Variants in MYO7B observed in about 807,000 individuals in gnomAD.
The protein encoded by MYO7B is myosin VIIB.
MYO7B carries 212 observed loss-of-function variants against 259.7 expected under a neutral mutation model. That is an observed-to-expected ratio of 0.82 (90% confidence interval 0.73 to 0.91). The LOEUF (loss-of-function observed/expected upper bound fraction) is 0.91, where lower values mean the gene tolerates loss of function less well. Ranked by LOEUF, MYO7B falls within the 40% of genes least tolerant of loss-of-function variation. The pLI, the probability that MYO7B is intolerant of heterozygous loss-of-function variation, is 0.00. For missense variants in MYO7B, 2,732 were observed against 2,813.5 expected (o/e 0.97, Z 0.66); for synonymous variants, 1,197 against 1,166.4 (o/e 1.03, Z -0.54).
Position 127,590,577 on chromosome 2 carries a change from G to C in MYO7B, c.1992+348G>C, listed in dbSNP as rs183174511. Among the ~76,000 whole-genome samples, 1 of 152,368 alleles carries C rather than the reference G, an allele frequency of 6.6e-6. No individual in the cohort carries two copies. Among genetic ancestry groups the C allele is most frequent in the East Asian group, 1.9e-4 (1 of 5,188 alleles). ...CTGAGGGTTGGACATGAGGTTTGCAGTACATGTCCCATATGTAAACCACAC... is the reference window on the plus strand; with the variant it reads ...CTGAGGGTTGGACATGAGGTTTGCACTACATGTCCCATATGTAAACCACAC... On this transcript the variant is annotated intron_variant, in intron 16 of 47. Coordinates refer to ENST00000409816, the MANE Select transcript of MYO7B (RefSeq NM_001393586.1). This position sits in a 1 kb window ranked among gnomAD's most constrained non-coding sequence, Gnocchi z 4.6.
chr2:127,629,280 G>A (rs1408759859), intron 34 of MYO7B, among the ~76,000 whole-genome samples: 1 of 152,164 alleles, frequency 6.6e-6, no homozygotes, highest in African/African-American at 2.4e-5. Flanking sequence ...CCAAATTCCA[G>A]ATAAGGAAGG....
chr2:127,586,503 A>G lies in MYO7B; in HGVS notation c.1690+1590A>G, dbSNP rs1679311007. On this transcript the variant is annotated intron_variant, in intron 14 of 47. Transcript: ENST00000409816. This position sits in a 1 kb window ranked among gnomAD's most constrained non-coding sequence, Gnocchi z 4.8. ...GCTAGGCTTTGGGAGGCCAAGGGAGAAAGGGAAAGGTGCCGTGGCTCCTTC... is the reference window on the plus strand; with the variant it reads ...GCTAGGCTTTGGGAGGCCAAGGGAGGAAGGGAAAGGTGCCGTGGCTCCTTC... Among the ~76,000 whole-genome samples the G allele has an allele frequency of 6.6e-6, 1 of 152,098 alleles. No homozygotes were observed.
rs1014050971 is a variant in MYO7B at position 127,615,748 on chromosome 2, T to C, written c.3398+3145T>C. On this transcript the variant is annotated intron_variant, in intron 26 of 47. Coordinates refer to ENST00000409816, the MANE Select transcript of MYO7B (RefSeq NM_001393586.1). This position sits in a 1 kb window ranked among gnomAD's most constrained non-coding sequence, Gnocchi z 4.4. Reference sequence around the variant, plus strand: ...CTCCAGTGGTATACTAGATCACGACTCTCACTCTTTCGGCCTGCAACATCT... The same window carrying C: ...CTCCAGTGGTATACTAGATCACGACCCTCACTCTTTCGGCCTGCAACATCT... Among the ~76,000 whole-genome samples, 9 of 152,016 alleles carry C rather than the reference T, an allele frequency of 5.9e-5. No individual in the cohort carries two copies. The highest frequency in any genetic ancestry group is 1.2e-4 in the African/African-American group (5 of 41,442).
At chr2:127,632,095 C>A in intron 38 of MYO7B, 151 bp from the exon 39 acceptor site, 1 of 963,298 alleles carries the variant, frequency 1.0e-6, no homozygotes, top group Non-Finnish European at 1.5e-6. Context: ...GGCAGCCTGG[C>A]ACAGCTGGCA....
At chr2:127,536,439 G>A (rs1692779667) in intron 1 of MYO7B, among the ~76,000 whole-genome samples, 2 of 145,364 alleles carry the variant, frequency 1.4e-5, no homozygotes. Flanking sequence ...GGGACCCTAG[G>A]GAGAGGCAGG....
rs1681441051 is a variant in MYO7B, at chr2:127,630,798, A to G, written c.4827A>G (p.Pro1609=). 5 of 1,613,038 alleles carry G rather than the reference A, an allele frequency of 3.1e-6. No homozygotes were observed. The highest frequency in any genetic ancestry group is 4.2e-6 in the Non-Finnish European group (5 of 1,179,808). The part of the protein sequence containing the change: ...AQLLSLLAMS[P]EKRKLAAQEG... ...TTCAGAGCTTGCTTGCCATGTCACC[A>G]GAGAAGAGGAAGCTGGCGGCTCAGG... Residue 1609 remains proline, a synonymous_variant, in exon 36 of 48, where the codon CCA becomes CCG. Transcript: ENST00000409816.
intron 10 of MYO7B, 114 bp from the exon 11 acceptor site, chr2:127,581,777 C>T (rs776715137): frequency 3.2e-5 from 46 of 1,431,758 alleles, no homozygotes; most frequent in African/African-American, 1.1e-4. Flanking sequence ...GCCCACCCTC[C>T]GGTGGGCATA....
At chr2:127,620,496 A>C in intron 27 of MYO7B, 30 bp downstream of exon 27, 1 of 519,458 alleles carries the variant, frequency 1.9e-6, no homozygotes, top group Non-Finnish European at 3.5e-6. Flanking sequence ...GAGGGCGGGC[A>C]GGGGGCAGGT....
Position 127,636,395 on chromosome 2 carries a change from C to G in MYO7B, c.6123+71C>G. The G allele has an allele frequency of 6.7e-7, 1 of 1,485,538 alleles. No individual in the cohort carries two copies. Among genetic ancestry groups the G allele is most frequent in the Non-Finnish European group, 9.4e-7 (1 of 1,069,072 alleles). The allele number at this position is 1,485,538 out of a possible 1,614,324, so 92.0% of individuals were successfully genotyped here. ...CTCAGCCCAGCCCCAGCAGGCCCAG[C>G]GTCAACCAGCACACATCTTGGGTGG... On this transcript the variant is annotated intron_variant, in intron 45 of 47. Transcript: ENST00000409816. The surrounding 1 kb of genome is among the most constrained non-coding windows in gnomAD (Gnocchi z 4.5).
chr2:127,623,123 A>G, intron 28 of MYO7B, 79 bp from the exon 29 acceptor site: 1 of 1,520,678 alleles, frequency 6.6e-7, no homozygotes, highest in Non-Finnish European at 8.9e-7. Context: ...TGGGGAGAGG[A>G]GGGAGGTAGT....
At chr2:127,572,240 G>C (rs974120670) in intron 6 of MYO7B, among the ~76,000 whole-genome samples, 2 of 152,090 alleles carry the variant, frequency 1.3e-5, no homozygotes, top group Non-Finnish European at 2.9e-5. Flanking sequence ...TCAACATGGG[G>C]AAACCCCATC....
In MYO7B at chr2:127,546,764, C is replaced by CCAT. The variant is rs1242513871; in HGVS notation, c.-24+10935_-24+10937dup. The stretch of plus-strand genomic sequence containing the variant: ...GCCTCACCTGCTTTCCTGGGTAGGT[C>CCAT]CATCCATCCATCCATCCATCCATCC... On this transcript the variant is annotated intron_variant, in intron 1 of 47. Coordinates refer to ENST00000409816, the MANE Select transcript of MYO7B (RefSeq NM_001393586.1). This position sits in a 1 kb window ranked among gnomAD's most constrained non-coding sequence, Gnocchi z 4.2. 8.3e-6 allele frequency among the ~76,000 whole-genome samples: 1 copy of CCAT among 120,214 alleles called. No homozygotes were observed. Among genetic ancestry groups the CCAT allele is most frequent in the Non-Finnish European group, 1.9e-5 (1 of 51,618 alleles). The allele number at this position is 120,214 out of a possible 152,430, so 78.9% of individuals were successfully genotyped here.
At chr2:127,634,805 T>G in intron 42 of MYO7B, 122 bp downstream of exon 42, 1 of 1,014,586 alleles carries the variant, frequency 9.9e-7, no homozygotes, top group Admixed American at 2.1e-5. Flanking sequence ...CCCTGGGTTG[T>G]GGGAACAACC....
chr2:127,612,435 G>T, intron 25 of MYO7B, 41 bp from the exon 26 acceptor site: 1 of 1,550,950 alleles, frequency 6.4e-7, no homozygotes, highest in Non-Finnish European at 8.7e-7. Flanking sequence ...GGCAGATGGG[G>T]AGAATCATAG....
chr2:127,575,525 T>C (rs1453438438), intron 7 of MYO7B, among the ~76,000 whole-genome samples: 1 of 149,538 alleles, frequency 6.7e-6, no homozygotes, highest in Non-Finnish European at 1.5e-5. Context: ...TATGTTTAGG[T>C]GAAAAAAAAG....
chr2:127,576,323 C>T lies in MYO7B; in HGVS notation c.736-272C>T, dbSNP rs1295234581. Among the ~76,000 whole-genome samples the T allele has an allele frequency of 6.6e-6, 1 of 152,206 alleles. No homozygotes were observed. Among genetic ancestry groups the T allele is most frequent in the Non-Finnish European group, 1.5e-5 (1 of 68,036 alleles). Reference sequence around the variant, plus strand: ...CCCGACTCTGTGCCATCACTCCTGGCCTGGAGACTTTGGGCACAGCAGTGT... The same window carrying T: ...CCCGACTCTGTGCCATCACTCCTGGTCTGGAGACTTTGGGCACAGCAGTGT... On this transcript the variant is annotated intron_variant, in intron 7 of 47. Transcript: ENST00000409816. This position sits in a 1 kb window ranked among gnomAD's most constrained non-coding sequence, Gnocchi z 4.9.
rs200598674 is a variant in MYO7B at position 127,624,137 on chromosome 2, C to A, written c.3864C>A (p.Ile1288=). 7 of 1,591,502 alleles carry A rather than the reference C, an allele frequency of 4.4e-6. No homozygotes were observed. Among genetic ancestry groups the A allele is most frequent in the Non-Finnish European group, 6.0e-6 (7 of 1,169,810 alleles). Residue 1288 remains isoleucine, a synonymous_variant, in exon 30 of 48, where the codon ATC becomes ATA. Coordinates refer to ENST00000409816, the MANE Select transcript of MYO7B (RefSeq NM_001393586.1). The part of the protein sequence containing the change: ...GSGRDHMMDA[I]ARCEQMAQER... ...GGCGCGACCACATGATGGATGCCATCGCCCGGTGTGAGCAGATGGCCCAGG... is the reference window on the plus strand; with the variant it reads ...GGCGCGACCACATGATGGATGCCATAGCCCGGTGTGAGCAGATGGCCCAGG...
chr2:127,575,352 T>C lies in MYO7B; in HGVS notation c.736-1243T>C, dbSNP rs1289294243. 2.0e-5 allele frequency among the ~76,000 whole-genome samples: 3 copies of C among 152,112 alleles called. No homozygotes were observed. In the East Asian group the frequency reaches 5.8e-4, roughly 29 times the overall value. ...CTTGATATAGTGGTTGCTGAGTTCA[T>C]AGAACTTGTCACCCAAAATGATACC... On this transcript the variant is annotated intron_variant, in intron 7 of 47. Transcript: ENST00000409816.
intron 35 of MYO7B, 78 bp from the exon 36 acceptor site, chr2:127,630,700 G>A: frequency 1.3e-6 from 2 of 1,581,078 alleles, no homozygotes; most frequent in Non-Finnish European, 1.7e-6. Flanking sequence ...CACTGAGGCT[G>A]CCAGGCCGGG....
Sources: allele counts gnomAD v4.1 joint callset (sites outside exome capture counted in the v4.1 genomes callset), GRCh38; gene constraint gnomAD v4.1.1; non-coding constraint Gnocchi (gnomAD v3.1); transcripts MANE v1.5; gene names NCBI Gene and HGNC (gene_info 2026-07-23, HGNC 2026-07-21).